Variants in PTPRU observed in about 807,000 individuals in gnomAD.
The protein encoded by PTPRU is protein tyrosine phosphatase receptor type U.
In PTPRU, 69 loss-of-function variants were observed where a neutral mutation model predicts 166.3. The ratio of observed to expected loss-of-function variants is 0.41; its 90% CI spans 0.34 to 0.51. The LOEUF is 0.51. Ranked by LOEUF, PTPRU falls within the 20% of genes least tolerant of loss-of-function variation. The pLI, the probability that PTPRU is intolerant of heterozygous loss-of-function variation, is 0.09. For synonymous variants in PTPRU, 793 were observed against 814.0 expected (o/e 0.97, Z 0.44); for missense variants, 1,657 against 2,013.7 (o/e 0.82, Z 3.39).
At chr1:29,252,468 A>G (rs1479829269) in intron 1 of PTPRU, among the ~76,000 whole-genome samples, 1 of 151,834 alleles carries the variant, frequency 6.6e-6, no homozygotes, top group Admixed American at 6.6e-5. Flanking sequence ...GGGTTTCATC[A>G]TGTTGGCCAG....
At chr1:29,288,760 T>A (rs1686481288) in intron 14 of PTPRU, among the ~76,000 whole-genome samples, 1 of 152,100 alleles carries the variant, frequency 6.6e-6, no homozygotes, top group South Asian at 2.1e-4. Flanking sequence ...CAGAGGAAGT[T>A]CCAGGACCAG....
intron 7 of PTPRU, among the ~76,000 whole-genome samples, chr1:29,264,347 T>G (rs942819707): frequency 6.6e-6 from 1 of 152,210 alleles, no homozygotes; most frequent in African/African-American, 2.4e-5. Flanking sequence ...TTTGTGCTTT[T>G]GATGTCATCC....
At chr1:29,305,693 G>A in intron 18 of PTPRU, 1 of 643,792 alleles carries the variant, frequency 1.6e-6, no homozygotes, top group Non-Finnish European at 2.9e-6. Flanking sequence ...AGACAGCTAG[G>A]CCAAGAGGTG....
In PTPRU at chr1:29,259,915, A is replaced by C. The variant is rs1246821060; in HGVS notation, c.721A>C (p.Ser241Arg). The change falls in exon 6 of 30, where the codon AGC (serine) becomes CGC (arginine). Residue 241 changes from serine to arginine, a missense_variant. Around this residue, in one of 3 missense-constraint regions of PTPRU, gnomAD observed 453 missense variants for 496.9 expected, o/e 0.91. Coordinates refer to ENST00000373779, the MANE Select transcript of PTPRU (RefSeq NM_133178.4). ...LVPAAGVRHI[S>R]HRRFLATFPL... ...GCCGGCGGCGGGCGTGCGGCACATCAGCCACCGGCGCTTCCTGGCCACTTT... is the reference window on the plus strand; with the variant it reads ...GCCGGCGGCGGGCGTGCGGCACATCCGCCACCGGCGCTTCCTGGCCACTTT... 3 of 1,532,338 alleles carry C rather than the reference A, an allele frequency of 2.0e-6. No homozygotes were observed. The highest frequency in any genetic ancestry group is 1.7e-6 in the Non-Finnish European group (2 of 1,145,780). 94.9% of individuals were successfully genotyped at this position (1,532,338 alleles called of 1,614,324 possible). A position where few individuals can be genotyped will look rare whatever the true frequency, so the allele number is the denominator to read the frequency against.
Position 29,304,060 on chromosome 1 carries a change from C to CG in PTPRU, c.2667+18dup, listed in dbSNP as rs1376514477. On this transcript the variant is annotated intron_variant, in intron 16 of 29. Transcript: ENST00000373779. Reference sequence around the variant, plus strand: ...AGGAGTATGAGGTGCACGCCGGCCCCGGGCCAGCAGGATCCCTGCAGAGGC... The same window carrying CG: ...AGGAGTATGAGGTGCACGCCGGCCCCGGGGCCAGCAGGATCCCTGCAGAGGC... 18 of 1,593,564 alleles carry CG rather than the reference C, an allele frequency of 1.1e-5. No individual in the cohort carries two copies. The highest frequency in any genetic ancestry group is 1.5e-5 in the Non-Finnish European group (17 of 1,165,542).
intron 1 of PTPRU, among the ~76,000 whole-genome samples, chr1:29,245,036 A>C (rs1029111162): frequency 6.6e-6 from 1 of 152,092 alleles, no homozygotes; most frequent in African/African-American, 2.4e-5. Flanking sequence ...CCTCTTGTTC[A>C]TCCTACTTCC....
rs780619217 is a variant in PTPRU, at chr1:29,304,057, C to A, written c.2667+12C>A. On this transcript the variant is annotated intron_variant, in intron 16 of 29. Transcript: ENST00000373779. ...AGCAGGAGTATGAGGTGCACGCCGG[C>A]CCCGGGCCAGCAGGATCCCTGCAGA... 3.8e-6 allele frequency: 6 copies of A among 1,594,496 alleles called. No homozygotes were observed. The South Asian group carries it at 5.5e-5, about 15-fold the overall frequency.
intron 28 of PTPRU, among the ~76,000 whole-genome samples, chr1:29,324,163 T>TCCAC (rs957382219): frequency 1.3e-5 from 2 of 152,116 alleles, no homozygotes; most frequent in African/African-American, 4.8e-5. Context: ...CATCCATCCA[T>TCCAC]CCACCCATCC....
In PTPRU at chr1:29,323,731, C is replaced by T; in HGVS notation, c.4055C>T (p.Ala1352Val). ...AAGAAGGCCTTCTTGCACCTGCTGG[C>T]TGAGGTGGACAAGTGGCAGGCCGAG... Reference protein sequence around the residue: ...DSKKAFLHLLAEVDKWQAESG... With the variant: ...DSKKAFLHLLVEVDKWQAESG... Residue 1352 changes from alanine to valine, a missense_variant, in exon 28 of 30, where the codon GCT becomes GTT. Physicochemically the swap from Ala to Val is moderately conservative, Grantham distance 64 (BLOSUM62 0). Transcript: ENST00000373779. 1 of 1,614,154 alleles carries T rather than the reference C, an allele frequency of 6.2e-7. No individual in the cohort carries two copies. The highest frequency in any genetic ancestry group is 8.5e-7 in the Non-Finnish European group (1 of 1,180,008).
intron 7 of PTPRU, among the ~76,000 whole-genome samples, chr1:29,270,762 A>G (rs1407473577): frequency 1.3e-5 from 2 of 152,158 alleles, no homozygotes; most frequent in African/African-American, 4.8e-5. Flanking sequence ...CAGGAGATTG[A>G]GACCAGACTG....
chr1:29,310,194 G>A (rs140984054), intron 18 of PTPRU, among the ~76,000 whole-genome samples: 2 of 152,312 alleles, frequency 1.3e-5, no homozygotes, highest in African/African-American at 4.8e-5. Context: ...AGGGCCATGA[G>A]TAATGTCTGT....
At chr1:29,239,296 G>A (rs574787609) in intron 1 of PTPRU, among the ~76,000 whole-genome samples, 59 of 152,306 alleles carry the variant, frequency 3.9e-4, no homozygotes, top group African/African-American at 1.3e-3. Context: ...TGCCTTCTCA[G>A]CCTTGCAAAC....
In PTPRU at chr1:29,317,109, C is replaced by T. The variant is rs1687932327; in HGVS notation, c.3514-639C>T. On this transcript the variant is annotated intron_variant, in intron 24 of 29. Coordinates refer to ENST00000373779, the MANE Select transcript of PTPRU (RefSeq NM_133178.4). The surrounding 1 kb of genome is among the most constrained non-coding windows in gnomAD (Gnocchi z 5.6). ...TGGGGATCATGATAGACTGTGGTTC[C>T]CTGTGAGGGATCTCCAAGAACAAGA... Among the ~76,000 whole-genome samples, 1 of 152,066 alleles carries T rather than the reference C, an allele frequency of 6.6e-6. No individual in the cohort carries two copies. Among genetic ancestry groups the T allele is most frequent in the Admixed American group, 6.5e-5 (1 of 15,270 alleles).
chr1:29,258,116 T>C (rs1389626307), intron 2 of PTPRU, among the ~76,000 whole-genome samples: 4 of 152,098 alleles, frequency 2.6e-5, no homozygotes, highest in Admixed American at 2.0e-4. Context: ...AGGCACATGC[T>C]ACCACACCCT....
rs114570032 is a variant in PTPRU, at chr1:29,311,636, C to T, written c.2956-7C>T. On this transcript the variant is annotated splice_polypyrimidine_tract_variant and splice_region_variant and intron_variant, in intron 20 of 29. Coordinates refer to ENST00000373779, the MANE Select transcript of PTPRU (RefSeq NM_133178.4). This position sits in a 1 kb window ranked among gnomAD's most constrained non-coding sequence, Gnocchi z 4.1. Reference sequence around the variant, plus strand: ...GCCCACTGAGTCCCGTCCTGTGGGGCCTCTAGGTGAAATGCTCACGGTACT... The same window carrying T: ...GCCCACTGAGTCCCGTCCTGTGGGGTCTCTAGGTGAAATGCTCACGGTACT... 2.1e-4 allele frequency: 331 copies of T among 1,613,952 alleles called. 1 individual carries two copies. The African/African-American group carries it at 3.9e-3, about 19-fold the overall frequency.
chr1:29,281,283 C>T (rs1362321772), intron 11 of PTPRU, among the ~76,000 whole-genome samples: 4 of 152,184 alleles, frequency 2.6e-5, no homozygotes, highest in South Asian at 2.1e-4. Context: ...TTCCCAGACC[C>T]TCAGGGAAGA....
intron 12 of PTPRU, among the ~76,000 whole-genome samples, chr1:29,283,152 T>G (rs1483110432): frequency 4.2e-5 from 2 of 47,402 alleles, no homozygotes; most frequent in Non-Finnish European, 7.9e-5. Context: ...CCCATAGCCC[T>G]GGCCCCACAG....
At chr1:29,246,398 A>G (rs1684301068) in intron 1 of PTPRU, among the ~76,000 whole-genome samples, 1 of 152,160 alleles carries the variant, frequency 6.6e-6, no homozygotes, top group Admixed American at 6.5e-5. Flanking sequence ...GTCTATATCT[A>G]TAGTACAGCT....
At chr1:29,259,843 CT>C (rs1205991329) in intron 5 of PTPRU, 26 bp from the exon 6 acceptor site, 3 of 1,519,418 alleles carry the variant, frequency 2.0e-6, no homozygotes, top group South Asian at 1.2e-5. Context: ...CGAGGCGCCC[CT>C]GACCCCCTCA....
Sources: allele counts gnomAD v4.1 joint callset (sites outside exome capture counted in the v4.1 genomes callset), GRCh38; gene constraint gnomAD v4.1.1; regional missense constraint gnomAD v4.1.1; non-coding constraint Gnocchi (gnomAD v3.1); transcripts MANE v1.5; gene names NCBI Gene and HGNC (gene_info 2026-07-23, HGNC 2026-07-21).